The following CFAP77 variants were observed in gnomAD, a reference collection of about 807,000 sequenced individuals.
The protein encoded by CFAP77 is cilia and flagella associated protein 77.
CFAP77 carries 25 observed loss-of-function variants against 31.1 expected under a neutral mutation model. The ratio of observed to expected loss-of-function variants is 0.80; its 90% CI spans 0.59 to 1.12. CFAP77 has a LOEUF of 1.12. Among genes scored for constraint, CFAP77 ranks in the 50% most tolerant of loss-of-function variants. CFAP77 has a pLI of 0.00. For synonymous variants in CFAP77, 151 were observed against 159.9 expected (o/e 0.94, Z 0.42); for missense variants, 377 against 397.3 (o/e 0.95, Z 0.44).
chr9:132,463,192 G>A (rs1042320029), intron 1 of CFAP77, among the ~76,000 whole-genome samples: 5 of 152,208 alleles, frequency 3.3e-5, no homozygotes, highest in African/African-American at 4.8e-5. Flanking sequence ...CAATCTTTGC[G>A]AAAGGCACTT....
intron 1 of CFAP77, among the ~76,000 whole-genome samples, chr9:132,459,215 G>A (rs1248302090): frequency 6.6e-6 from 1 of 152,062 alleles, no homozygotes; most frequent in Non-Finnish European, 1.5e-5. Context: ...GGGACTACAG[G>A]CGCCCGCCAC....
rs780014846 is a variant in CFAP77 at position 132,511,494 on chromosome 9, G to A, written c.524+11894G>A. 6.6e-6 allele frequency among the ~76,000 whole-genome samples: 1 copy of A among 152,202 alleles called. No homozygotes were observed. The highest frequency in any genetic ancestry group is 1.5e-5 in the Non-Finnish European group (1 of 68,032). On this transcript the variant is annotated intron_variant, in intron 3 of 5. Transcript: ENST00000393216. The surrounding 1 kb of genome is among the most constrained non-coding windows in gnomAD (Gnocchi z 5.8). ...CCCACTCCTCCTTCCCCAGTGCCAAGCATGTGCCTGCCTGGAATGTTGTAG... is the reference window on the plus strand; with the variant it reads ...CCCACTCCTCCTTCCCCAGTGCCAAACATGTGCCTGCCTGGAATGTTGTAG...
In CFAP77 at chr9:132,439,705, C is replaced by T. The variant is rs371785031; in HGVS notation, c.195+29239C>T. 3.1e-4 allele frequency among the ~76,000 whole-genome samples: 47 copies of T among 151,992 alleles called. No individual in the cohort carries two copies. In the East Asian group the frequency reaches 4.7e-3, roughly 15 times the overall value. The stretch of plus-strand genomic sequence containing the variant: ...ACTAAAAAATACAACAAAAATTAGC[C>T]GGGCGTGGTGGCGGGCGCCTGTAGT... On this transcript the variant is annotated intron_variant, in intron 1 of 5. Coordinates refer to ENST00000393216, the MANE Select transcript of CFAP77 (RefSeq NM_001282957.2).
rs911309575 is a variant in CFAP77, at chr9:132,499,044, C to T, written c.295+250C>T. On this transcript the variant is annotated intron_variant, in intron 2 of 5. Coordinates refer to ENST00000393216, the MANE Select transcript of CFAP77 (RefSeq NM_001282957.2). This position sits in a 1 kb window ranked among gnomAD's most constrained non-coding sequence, Gnocchi z 5.4. Reference sequence around the variant, plus strand: ...TCCCCGCACCGCCCCCCTTCCCCGCCGCCGGCAGGGACTGTGTGCACTATG... The same window carrying T: ...TCCCCGCACCGCCCCCCTTCCCCGCTGCCGGCAGGGACTGTGTGCACTATG... Among the ~76,000 whole-genome samples the T allele has an allele frequency of 4.0e-5, 6 of 151,844 alleles. No individual in the cohort carries two copies. Among genetic ancestry groups the T allele is most frequent in the African/African-American group, 4.9e-5 (2 of 41,154 alleles).
intron 1 of CFAP77, among the ~76,000 whole-genome samples, chr9:132,487,053 C>T (rs1042768321): frequency 3.9e-5 from 6 of 152,222 alleles, no homozygotes; most frequent in African/African-American, 1.4e-4. Flanking sequence ...CCTGAGGACG[C>T]CTGGAGGGGC....
chr9:132,477,764 G>C lies in CFAP77; in HGVS notation c.196-20931G>C, dbSNP rs544250760. ...GGCAGGTGTCTAGGGGGTGAGTAGGGAACTGGGCCAAACTCTGATGGAGAT... is the reference window on the plus strand; with the variant it reads ...GGCAGGTGTCTAGGGGGTGAGTAGGCAACTGGGCCAAACTCTGATGGAGAT... On this transcript the variant is annotated intron_variant, in intron 1 of 5. Coordinates refer to ENST00000393216, the MANE Select transcript of CFAP77 (RefSeq NM_001282957.2). Among the ~76,000 whole-genome samples the C allele has an allele frequency of 2.6e-4, 40 of 152,258 alleles. 2 individuals carry two copies. In the South Asian group the frequency reaches 8.3e-3, roughly 32 times the overall value.
At chr9:132,464,212 G>A (rs1054305923) in intron 1 of CFAP77, among the ~76,000 whole-genome samples, 3 of 152,172 alleles carry the variant, frequency 2.0e-5, no homozygotes, top group African/African-American at 7.2e-5. Flanking sequence ...CATCAGTAAT[G>A]AGTGTATTGA....
At position 132,509,170 on chromosome 9, in the gene CFAP77, C is replaced by T. The variant is rs187908777; in HGVS notation, c.524+9570C>T. 1.3e-3 allele frequency among the ~76,000 whole-genome samples: 194 copies of T among 152,354 alleles called. 1 individual carries two copies. Among genetic ancestry groups the T allele is most frequent in the African/African-American group, 4.4e-3 (181 of 41,590 alleles). On this transcript the variant is annotated intron_variant, in intron 3 of 5. Coordinates refer to ENST00000393216, the MANE Select transcript of CFAP77 (RefSeq NM_001282957.2). ...ACTGCAGCCCTGTGCAGCAGACGCC[C>T]GTCACCTCTATTTATCCATGAGAAA...
intron 5 of CFAP77, among the ~76,000 whole-genome samples, chr9:132,559,322 G>A (rs188819991): frequency 1.9e-4 from 23 of 120,256 alleles, no homozygotes; most frequent in African/African-American, 7.2e-4. Context: ...TCCAGCCTGC[G>A]CGTCAGAGTG....
At chr9:132,514,960 C>G (rs1239814544) in intron 3 of CFAP77, among the ~76,000 whole-genome samples, 1 of 152,250 alleles carries the variant, frequency 6.6e-6, no homozygotes, top group South Asian at 2.1e-4. Context: ...AGAGCTCAGC[C>G]CCCCAGCCCG....
At chr9:132,567,395 G>A (rs767781976) in intron 5 of CFAP77, among the ~76,000 whole-genome samples, 6 of 152,290 alleles carry the variant, frequency 3.9e-5, no homozygotes, top group Admixed American at 1.3e-4. Flanking sequence ...CTAAGTAAAC[G>A]GCGACTGCGA....
chr9:132,459,366 C>G (rs375113425), intron 1 of CFAP77, among the ~76,000 whole-genome samples: 1 of 152,062 alleles, frequency 6.6e-6, no homozygotes, highest in Non-Finnish European at 1.5e-5. Context: ...CCACCGCGCC[C>G]GGCCACCCTG....
chr9:132,569,091 C>A (rs1168493120), intron 5 of CFAP77, among the ~76,000 whole-genome samples: 1 of 152,166 alleles, frequency 6.6e-6, no homozygotes, highest in African/African-American at 2.4e-5. Context: ...ACAGGTTTTG[C>A]AGGTTAGGTA....
chr9:132,433,922 A>G (rs1850458703), intron 1 of CFAP77, among the ~76,000 whole-genome samples: 1 of 149,672 alleles, frequency 6.7e-6, no homozygotes. Flanking sequence ...GGATCACTTG[A>G]GTCCAGGAGT....
At chr9:132,526,639 C>G (rs1347835303) in intron 3 of CFAP77, among the ~76,000 whole-genome samples, 2 of 132,494 alleles carry the variant, frequency 1.5e-5, no homozygotes, top group Non-Finnish European at 3.4e-5. Flanking sequence ...AGAGAAGAAT[C>G]AAATAGACAC....
At chr9:132,474,493 G>A (rs1589872184) in intron 1 of CFAP77, among the ~76,000 whole-genome samples, 1 of 152,302 alleles carries the variant, frequency 6.6e-6, no homozygotes, top group African/African-American at 2.4e-5. Context: ...GCTCAAGTAT[G>A]CAGGGATCAA....
chr9:132,467,177 C>T (rs1207283046), intron 1 of CFAP77, among the ~76,000 whole-genome samples: 1 of 152,130 alleles, frequency 6.6e-6, no homozygotes, highest in East Asian at 1.9e-4. Flanking sequence ...GACTCCATCT[C>T]AATAAATAAA....
chr9:132,446,422 A>G (rs11243777), intron 1 of CFAP77, among the ~76,000 whole-genome samples: 28,428 of 151,528 alleles, frequency 0.19, 2,760 homozygotes, highest in East Asian at 0.27. Flanking sequence ...CTCTTCACCT[A>G]ACTACCGACG....
chr9:132,479,344 A>G (rs1024854096), intron 1 of CFAP77, among the ~76,000 whole-genome samples: 3 of 151,832 alleles, frequency 2.0e-5, no homozygotes, highest in African/African-American at 7.3e-5. Flanking sequence ...TCATCCCACC[A>G]TTGTTCATCC....
Sources: gnomAD v4.1 joint callset for allele counts (sites outside exome capture counted in the v4.1 genomes callset) on GRCh38, gnomAD v4.1.1 for gene constraint, Gnocchi (gnomAD v3.1) non-coding constraint, MANE v1.5 for transcripts, NCBI Gene and HGNC (gene_info 2026-07-23, HGNC 2026-07-21) for gene names.